Variants in TAAR5 observed in about 807,000 individuals in gnomAD.
TAAR5 encodes trace amine associated receptor 5.
TAAR5 carries 27 observed loss-of-function variants against 21.1 expected under a neutral mutation model. The ratio of observed to expected loss-of-function variants is 1.28; its 90% CI spans 0.94 to 1.76. The LOEUF is 1.76. Among genes scored for constraint, TAAR5 ranks in the 40% most tolerant of loss-of-function variants. The probability of loss-of-function intolerance (pLI) is 0.00; values close to 1 mark genes in which losing one functional copy is unlikely to be tolerated. For missense variants in TAAR5, 495 were observed against 405.6 expected (o/e 1.22, Z -1.89); for synonymous variants, 203 against 167.5 (o/e 1.21, Z -1.64).
chr6:132,613,231 A>G, the TAAR5 span, among the ~76,000 whole-genome samples: 2 of 152,364 alleles, frequency 1.3e-5, no homozygotes, highest in South Asian at 2.1e-4. Flanking sequence ...CAGCTCTAAC[A>G]AACTAACAAT....
chr6:132,589,742 CAAAAAAAAAAAAAAAA>C (rs567338856), upstream of TAAR5: 1,253 of 60,524 alleles, frequency 0.021, 2 homozygotes, highest in East Asian at 0.036. Context: ...CACTGGAGGG[CAAAAAAAAAAAAAAAA>C]AAAAAAAAAA....
chr6:132,609,090 G>C, the TAAR5 span: 1 of 447,154 alleles, frequency 2.2e-6, no homozygotes, highest in Non-Finnish European at 4.5e-6. Flanking sequence ...TTGTGGGAGA[G>C]TGAAGCTGTT....
chr6:132,606,134 T>A, the TAAR5 span, among the ~76,000 whole-genome samples: 1 of 152,144 alleles, frequency 6.6e-6, no homozygotes. Flanking sequence ...AAGCATTGAA[T>A]AAAACTACCT....
At chr6:132,600,174 G>C in the TAAR5 span, among the ~76,000 whole-genome samples, 1 of 152,246 alleles carries the variant, frequency 6.6e-6, no homozygotes, top group Non-Finnish European at 1.5e-5. Context: ...CTGGTTCCTC[G>C]AGAGTTTGGA....
rs758868184 is a variant in TAAR5, at chr6:132,589,519, T to G, written c.168A>C (p.Ala56=). 6 of 1,613,834 alleles carry G rather than the reference T, an allele frequency of 3.7e-6. No individual in the cohort carries two copies. Among genetic ancestry groups the G allele is most frequent in the Non-Finnish European group, 5.1e-6 (6 of 1,179,930 alleles). ...GCGCTTTGAAGTAGGACACAGCAAA[T>G]GCCACAAATACATTCCCTAGCACGA... ...LIIVLGNVFV[A]FAVSYFKALH... is the part of the protein sequence containing the mutation. Residue 56 remains alanine (A), a synonymous_variant, in exon 1 of 1, where the codon GCA becomes GCC. Coordinates refer to ENST00000258034, the MANE Select transcript of TAAR5 (RefSeq NM_003967.3).
the TAAR5 span, among the ~76,000 whole-genome samples, chr6:132,603,380 T>C: frequency 6.6e-6 from 1 of 151,852 alleles, no homozygotes; most frequent in African/African-American, 2.4e-5. Flanking sequence ...ATTAGTATTC[T>C]TATTTAGTAC....
At chr6:132,602,132 A>C in the TAAR5 span, among the ~76,000 whole-genome samples, 1 of 152,148 alleles carries the variant, frequency 6.6e-6, no homozygotes, top group South Asian at 2.1e-4. Context: ...TGTAGTCTAA[A>C]GCAGCCATCC....
chr6:132,590,588 A>G (rs1267576022), upstream of TAAR5, among the ~76,000 whole-genome samples: 1 of 152,228 alleles, frequency 6.6e-6, no homozygotes, highest in African/African-American at 2.4e-5. Context: ...GGCCACAATG[A>G]CAGGTGTGCA....
chr6:132,600,940 GGAGGGAAA>G, the TAAR5 span, among the ~76,000 whole-genome samples: 1 of 97,334 alleles, frequency 1.0e-5, no homozygotes, highest in East Asian at 4.4e-4. Context: ...AAGGAGGGAA[GGAGGGAAA>G]GAAAGAAGGA....
chr6:132,614,055 G>A, the TAAR5 span, among the ~76,000 whole-genome samples: 3 of 152,212 alleles, frequency 2.0e-5, no homozygotes, highest in Non-Finnish European at 1.5e-5. Flanking sequence ...TGAGCTATTA[G>A]TGTTCCACTT....
the TAAR5 span, among the ~76,000 whole-genome samples, chr6:132,613,708 G>T: frequency 6.6e-6 from 1 of 152,154 alleles, no homozygotes; most frequent in Non-Finnish European, 1.5e-5. Context: ...CATTTTAGTA[G>T]GAGGCAGAGA....
the TAAR5 span, among the ~76,000 whole-genome samples, chr6:132,612,668 C>A: frequency 6.6e-6 from 1 of 152,040 alleles, no homozygotes; most frequent in Non-Finnish European, 1.5e-5. Flanking sequence ...CCTCCGTGTC[C>A]CATTAAGGTG....
the TAAR5 span, among the ~76,000 whole-genome samples, chr6:132,601,388 A>T: frequency 3.3e-5 from 5 of 152,228 alleles, no homozygotes; most frequent in Non-Finnish European, 7.3e-5. Context: ...TCCCACCAGA[A>T]TGCAGATAGC....
At chr6:132,598,533 T>C in the TAAR5 span, among the ~76,000 whole-genome samples, 6 of 152,226 alleles carry the variant, frequency 3.9e-5, no homozygotes, top group Non-Finnish European at 8.8e-5. Flanking sequence ...GTTCTCTTGT[T>C]GTCTGCCCTG....
the TAAR5 span, chr6:132,608,761 A>G: frequency 2.2e-6 from 1 of 456,000 alleles, no homozygotes; most frequent in Non-Finnish European, 4.4e-6. Flanking sequence ...CATACCGGAA[A>G]CATCGGCCTC....
chr6:132,607,834 C>T, the TAAR5 span, among the ~76,000 whole-genome samples: 1 of 152,068 alleles, frequency 6.6e-6, no homozygotes, highest in South Asian at 2.1e-4. Context: ...CTTCATGGAC[C>T]CACAGGTCGC....
the TAAR5 span, chr6:132,608,240 C>CT: frequency 4.8e-6 from 2 of 413,226 alleles, no homozygotes. Flanking sequence ...TTTGCAACAG[C>CT]TTTTTATTAA....
chr6:132,603,496 A>C, the TAAR5 span, among the ~76,000 whole-genome samples: 1 of 68,344 alleles, frequency 1.5e-5, no homozygotes, highest in African/African-American at 5.8e-5. Flanking sequence ...TTTTCTCTCA[A>C]AAAAAAAAAA....
chr6:132,598,136 C>T, the TAAR5 span, among the ~76,000 whole-genome samples: 1 of 152,174 alleles, frequency 6.6e-6, no homozygotes, highest in Non-Finnish European at 1.5e-5. Flanking sequence ...AAACAATCTA[C>T]TTCTGCCCCC....
Sources: allele counts gnomAD v4.1 joint callset (sites outside exome capture counted in the v4.1 genomes callset), GRCh38; gene constraint gnomAD v4.1.1; transcripts MANE v1.5; gene names NCBI Gene and HGNC (gene_info 2026-07-23, HGNC 2026-07-21).